The following A2ML1 variants were observed in gnomAD, a reference collection of about 807,000 sequenced individuals.
A2ML1 encodes the protein alpha-2-macroglobulin-like protein 1.
A2ML1 carries 161 observed loss-of-function variants against 181.9 expected under a neutral mutation model. The ratio of observed to expected loss-of-function variants is 0.89; its 90% confidence interval spans 0.78 to 1.01. The LOEUF (loss-of-function observed/expected upper bound fraction) is 1.01, where lower values mean the gene tolerates loss of function less well. Among genes scored for constraint, A2ML1 ranks in the 50% least tolerant of loss-of-function variants. The probability of loss-of-function intolerance (pLI) is 0.00; values close to 1 mark genes in which losing one functional copy is unlikely to be tolerated. For synonymous variants in A2ML1, 663 were observed against 666.8 expected (o/e 0.99, Z 0.09); for missense variants, 1,670 against 1,768.1 (o/e 0.94, Z 1.00).
At chr12:8,832,963 C>A (rs1024264227) in intron 4 of A2ML1, among the ~76,000 whole-genome samples, 1 of 143,270 alleles carries the variant, frequency 7.0e-6, no homozygotes, top group African/African-American at 2.6e-5. Flanking sequence ...AACTTCCAGT[C>A]GGAAATGCTA....
At position 8,822,677 on chromosome 12, in the gene A2ML1, T is replaced by C. The variant is rs377156544; in HGVS notation, c.26T>C (p.Met9Thr). The C allele has an allele frequency of 5.0e-6, 8 of 1,614,084 alleles. No homozygotes were observed. In the African/African-American group the frequency reaches 9.3e-5, roughly 19 times the overall value. The part of the protein sequence containing the change: MWAQLLLG[M>T]LALSPAIAEE... ...ATGTGGGCTCAGCTCCTTCTAGGAA[T>C]GTTGGCCCTATCACCAGCCATTGCA... is the stretch of plus-strand genomic sequence containing the variant. Residue 9 changes from methionine (M) to threonine (T), a missense_variant, in exon 1 of 36, where the codon ATG becomes ACG. By Grantham distance (81) the Met-to-Thr change is moderately conservative (BLOSUM62 -1). Transcript: ENST00000299698.
In A2ML1 at chr12:8,867,823, G is replaced by A. The variant is rs751607523; in HGVS notation, c.3718-19G>A. 18 of 1,605,226 alleles carry A rather than the reference G, an allele frequency of 1.1e-5. No homozygotes were observed. The highest frequency in any genetic ancestry group is 6.7e-5 in the Admixed American group (4 of 59,984). ...ATGGCTCACAAAATGGTAAGTATAC[G>A]TTTGGTTGTTTCCCTCAGGATACTG... is the stretch of plus-strand genomic sequence containing the variant. On this transcript the variant is annotated intron_variant, in intron 29 of 35. Transcript: ENST00000299698.
chr12:8,830,987 C>T (rs1943093755), intron 4 of A2ML1: 1 of 149,944 alleles, frequency 6.7e-6, no homozygotes, highest in Admixed American at 6.7e-5. Context: ...CTCATTCTGT[C>T]ACCTAGGCTG....
At chr12:8,842,462 G>A (rs577941260) in intron 11 of A2ML1, among the ~76,000 whole-genome samples, 41 of 152,070 alleles carry the variant, frequency 2.7e-4, no homozygotes, top group South Asian at 8.3e-4. Context: ...CTCGTGATCC[G>A]CCCGCCTTGG....
At chr12:8,848,646 C>T in intron 15 of A2ML1, 74 bp from the exon 16 acceptor site, 1 of 1,282,056 alleles carries the variant, frequency 7.8e-7, no homozygotes, top group Non-Finnish European at 1.1e-6. Context: ...GAACTGAGCA[C>T]CAGAATCTGA....
At position 8,852,304 on chromosome 12, in the gene A2ML1, C is replaced by G. The variant is rs765814447; in HGVS notation, c.2558C>G (p.Thr853Ser). Residue 853 changes from threonine (T) to serine (S), a missense_variant, in exon 20 of 36, where the codon ACC becomes AGC. Transcript: ENST00000299698. The surrounding 1 kb of genome is among the most constrained non-coding windows in gnomAD (Gnocchi z 4.2). Reference sequence around the variant, plus strand: ...TGTCTCTGTGCTGATGACGCAAAAACCCACCACTGGAACATCACAGCTGTC... The same window carrying G: ...TGTCTCTGTGCTGATGACGCAAAAAGCCACCACTGGAACATCACAGCTGTC... ...SSCLCADDAK[T>S]HHWNITAVKL... 6.2e-7 allele frequency: 1 copy of G among 1,614,086 alleles called. No homozygotes were observed. Among genetic ancestry groups the G allele is most frequent in the Non-Finnish European group, 8.5e-7 (1 of 1,179,982 alleles).
At chr12:8,840,914 AAAAG>A (rs1276047935) in intron 10 of A2ML1, among the ~76,000 whole-genome samples, 34 of 151,252 alleles carry the variant, frequency 2.2e-4, no homozygotes, top group African/African-American at 7.5e-4. Context: ...CTCAAAAAAA[AAAAG>A]AAAGAAAGGA....
intron 7 of A2ML1, chr12:8,886,375 C>T (rs1944921746): frequency 6.6e-6 from 1 of 152,102 alleles, no homozygotes; most frequent in Admixed American, 6.6e-5. Flanking sequence ...AAATTAATTC[C>T]TAGGCAGTTG....
At chr12:8,873,200 C>G (rs1035700568) in intron 33 of A2ML1, among the ~76,000 whole-genome samples, 4 of 151,854 alleles carry the variant, frequency 2.6e-5, no homozygotes, top group South Asian at 4.2e-4. Flanking sequence ...GAAATCCCTT[C>G]CAATTAGGCG....
At chr12:8,854,448 G>A (rs1025250201) in intron 21 of A2ML1, among the ~76,000 whole-genome samples, 199 bp downstream of exon 21, 2 of 152,186 alleles carry the variant, frequency 1.3e-5, no homozygotes, top group African/African-American at 4.8e-5. Context: ...CACCTCATAG[G>A]CACTCAACAA....
chr12:8,823,577 C>T lies in A2ML1; in HGVS notation c.247-143C>T, dbSNP rs117243901. 1.3e-3 allele frequency: 1,473 copies of T among 1,107,612 alleles called. 4 individuals carry two copies. Among genetic ancestry groups the T allele is most frequent in the Admixed American group, 1.7e-3 (76 of 43,564 alleles). 68.6% of individuals were successfully genotyped at this position (1,107,612 alleles called of 1,614,324 possible). Reference sequence around the variant, plus strand: ...CTTTAGTTCCTGACCTTAATTCTTCCTCGTGGTAATTTGTTTTATGTCTCT... The same window carrying T: ...CTTTAGTTCCTGACCTTAATTCTTCTTCGTGGTAATTTGTTTTATGTCTCT... On this transcript the variant is annotated intron_variant, in intron 2 of 35. Coordinates refer to ENST00000299698, the MANE Select transcript of A2ML1 (RefSeq NM_144670.6).
At position 8,851,865 on chromosome 12, in the gene A2ML1, G is replaced by T. The variant is rs988553194; in HGVS notation, c.2316G>T (p.Gln772His). Reference protein sequence around the residue: ...EWKAMSFCTSQSRGFGLSPTV... With the variant: ...EWKAMSFCTSHSRGFGLSPTV... ...AGGCGATGAGTTTCTGCACTTCCCA[G>T]TCAAGAGGCTTCGGGCTTTCACCCA... The change falls in exon 19 of 36, where the codon CAG becomes CAT. Residue 772 changes from glutamine (Q) to histidine (H), a missense_variant. By Grantham distance (24) the Gln-to-His change is conservative. Transcript: ENST00000299698. The T allele has an allele frequency of 6.2e-7, 1 of 1,614,200 alleles. No homozygotes were observed. The highest frequency in any genetic ancestry group is 8.5e-7 in the Non-Finnish European group (1 of 1,180,040).
chr12:8,854,321 G>C, intron 21 of A2ML1, 72 bp downstream of exon 21: 1 of 1,508,658 alleles, frequency 6.6e-7, no homozygotes, highest in Admixed American at 2.1e-5. Context: ...CTGTGAGTTA[G>C]TCTCTCACAG....
chr12:8,866,727 T>C (rs908065822), intron 29 of A2ML1, among the ~76,000 whole-genome samples: 1 of 152,254 alleles, frequency 6.6e-6, no homozygotes, highest in Admixed American at 6.5e-5. Context: ...GCTGCACAGA[T>C]AGAACTTCTT....
intron 14 of A2ML1, 86 bp from the exon 15 acceptor site, chr12:8,847,463 G>T: frequency 7.0e-7 from 1 of 1,425,002 alleles, no homozygotes. Context: ...CATAGCTGGG[G>T]CATATTTGCT....
At chr12:8,834,786 G>C (rs756161117) in intron 5 of A2ML1, 104 bp downstream of exon 5, 5 of 1,450,480 alleles carry the variant, frequency 3.4e-6, no homozygotes, top group African/African-American at 1.4e-5. Flanking sequence ...TCTTGGCCCA[G>C]AGCCCCATGA....
In A2ML1 at chr12:8,868,257, C is replaced by T. The variant is rs777780229; in HGVS notation, c.3961C>T (p.Pro1321Ser). The change falls in exon 31 of 36, where the codon CCC becomes TCC. Residue 1321 changes from proline to serine, a missense_variant. Pro to Ser is a moderately conservative substitution (Grantham distance 74). Transcript: ENST00000299698. ...GGTGTTGAGATACAATATTCTCCCT[C>T]CCACAAATATGAAGACCTTTAGTCT... Reference protein sequence around the residue: ...QTVLRYNILPPTNMKTFSLSV... With the variant: ...QTVLRYNILPSTNMKTFSLSV... 8.7e-6 allele frequency: 14 copies of T among 1,613,680 alleles called. No individual in the cohort carries two copies. The Admixed American group carries it at 1.8e-4, about 21-fold the overall frequency.
chr12:8,847,141 G>A (rs1273383602), intron 14 of A2ML1, among the ~76,000 whole-genome samples: 4 of 121,494 alleles, frequency 3.3e-5, no homozygotes, highest in African/African-American at 1.3e-4. Context: ...TAGAGACGGG[G>A]TTTCACCATG....
Position 8,829,727 on chromosome 12 carries a change from T to C in A2ML1, c.410T>C (p.Val137Ala). The change falls in exon 4 of 36, where the codon GTG becomes GCG. Residue 137 changes from valine to alanine, a missense_variant and splice_region_variant. Val to Ala is a moderately conservative substitution (Grantham distance 64, BLOSUM62 0). Coordinates refer to ENST00000299698, the MANE Select transcript of A2ML1 (RefSeq NM_144670.6). ...GCTAATGATGCCTGTTCCTTTCCAG[T>C]GTATTTCCGCATTGTCACCATGGAT... Reference protein sequence around the residue: ...DKPLYTPGQQVYFRIVTMDSN... With the variant: ...DKPLYTPGQQAYFRIVTMDSN... 6.2e-7 allele frequency: 1 copy of C among 1,611,690 alleles called. No individual in the cohort carries two copies. The highest frequency in any genetic ancestry group is 2.2e-5 in the East Asian group (1 of 44,792).
Sources: gnomAD v4.1 joint callset for allele counts (sites outside exome capture counted in the v4.1 genomes callset) on GRCh38, gnomAD v4.1.1 for gene constraint, Gnocchi (gnomAD v3.1) non-coding constraint, MANE v1.5 for transcripts, NCBI Gene and HGNC (gene_info 2026-07-23, HGNC 2026-07-21) for gene names.